PRDM16: variants seen among roughly 807,000 people sequenced by gnomAD.
PRDM16 encodes histone-lysine N-methyltransferase PRDM16.
A neutral mutation model predicts 110.6 loss-of-function variants in PRDM16; 23 were observed. The ratio of observed to expected loss-of-function variants is 0.21; its 90% CI spans 0.15 to 0.29. The LOEUF is 0.29. PRDM16 is among the 10% of genes least tolerant of loss of function. The pLI is 1.00. For missense variants in PRDM16, 1,615 were observed against 1,794.3 expected, an observed-to-expected ratio of 0.90 and a Z score of 1.81; for synonymous variants, 799 against 781.8, an observed-to-expected ratio of 1.02 and a Z score of -0.37.
intron 1 of PRDM16, among the ~76,000 whole-genome samples, chr1:3,075,968 G>C (rs991255538): frequency 6.6e-6 from 1 of 152,202 alleles, no homozygotes; most frequent in African/African-American, 2.4e-5. Flanking sequence ...CACGCACTAG[G>C]CTTGACCAAG....
chr1:3,212,419 G>A (rs1638907946), intron 2 of PRDM16, among the ~76,000 whole-genome samples: 1 of 152,142 alleles, frequency 6.6e-6, no homozygotes, highest in Non-Finnish European at 1.5e-5. Context: ...TTGAATTCTG[G>A]GAGTCCAGGC....
At chr1:3,154,657 G>T (rs1439680894) in intron 1 of PRDM16, among the ~76,000 whole-genome samples, 9 of 152,204 alleles carry the variant, frequency 5.9e-5, no homozygotes, top group Admixed American at 3.3e-4. Flanking sequence ...CAGTCGGCCG[G>T]GCATCCTGCA....
intron 1 of PRDM16, among the ~76,000 whole-genome samples, chr1:3,153,795 C>T (rs1028183564): frequency 5.9e-5 from 9 of 152,216 alleles, no homozygotes; most frequent in Admixed American, 2.6e-4. Flanking sequence ...AAGCGTGGAA[C>T]GCAAAGTAAT....
intron 6 of PRDM16, among the ~76,000 whole-genome samples, 163 bp downstream of exon 6, chr1:3,403,161 A>T (rs1177189975): frequency 6.6e-6 from 1 of 152,068 alleles, no homozygotes; most frequent in Non-Finnish European, 1.5e-5. Context: ...CCCTGGGGAT[A>T]TGTGCCCCTT....
chr1:3,394,664 C>G (rs548108286), intron 4 of PRDM16, among the ~76,000 whole-genome samples: 1 of 152,174 alleles, frequency 6.6e-6, no homozygotes, highest in Non-Finnish European at 1.5e-5. Flanking sequence ...TCAGCCAGGC[C>G]GGGCAGTCAC....
At chr1:3,145,308 G>A (rs1643625875) in intron 1 of PRDM16, among the ~76,000 whole-genome samples, 1 of 152,200 alleles carries the variant, frequency 6.6e-6, no homozygotes, top group Admixed American at 6.5e-5. Flanking sequence ...CCATTGCCAT[G>A]GGATACGGGG....
intron 12 of PRDM16, among the ~76,000 whole-genome samples, chr1:3,420,681 T>TTC (rs1368985651): frequency 2.6e-5 from 4 of 152,216 alleles, no homozygotes; most frequent in Non-Finnish European, 4.4e-5. Flanking sequence ...GGCCCCTAGC[T>TTC]TCTCCTGGCC....
At chr1:3,409,846 G>GTGTGTGTGCGTGTGTGT (rs57503175) in intron 8 of PRDM16, among the ~76,000 whole-genome samples, 1 of 120,974 alleles carries the variant, frequency 8.3e-6, no homozygotes, top group Admixed American at 9.0e-5. Flanking sequence ...TGTGTGGTGT[G>GTGTGTGTGCGTGTGTGT]GGTGTGTGTG....
chr1:3,111,623 A>C (rs1261347023), intron 1 of PRDM16, among the ~76,000 whole-genome samples: 1 of 152,006 alleles, frequency 6.6e-6, no homozygotes, highest in South Asian at 2.1e-4. Flanking sequence ...CAGCGCACGG[A>C]AAGGAGGCGC....
chr1:3,203,678 C>T (rs1049573867), intron 2 of PRDM16, among the ~76,000 whole-genome samples: 2 of 152,176 alleles, frequency 1.3e-5, no homozygotes, highest in African/African-American at 4.8e-5. Flanking sequence ...TGGCTCCTTC[C>T]TGCGTGTGTG....
intron 3 of PRDM16, among the ~76,000 whole-genome samples, chr1:3,262,504 G>A (rs892703227): frequency 2.6e-5 from 4 of 152,236 alleles, no homozygotes; most frequent in Non-Finnish European, 2.9e-5. Context: ...GGCGGGAGGC[G>A]TGGTTGGCCA....
intron 1 of PRDM16, among the ~76,000 whole-genome samples, chr1:3,181,898 ACGGTCTTACACACG>A (rs1258128587): frequency 3.6e-5 from 3 of 82,684 alleles, no homozygotes; most frequent in African/African-American, 1.1e-4. Flanking sequence ...AGTCTTACAC[ACGGTCTTACACACG>A]CAGTCTTACA....
intron 8 of PRDM16, among the ~76,000 whole-genome samples, chr1:3,408,630 G>A (rs1266130318): frequency 6.6e-6 from 1 of 151,212 alleles, no homozygotes; most frequent in African/African-American, 2.4e-5. Context: ...ATGAGTGTGG[G>A]TGCGTGAGCT....
intron 3 of PRDM16, among the ~76,000 whole-genome samples, chr1:3,383,884 C>T (rs113469962): frequency 0.044 from 6,609 of 151,692 alleles, 481 homozygotes; most frequent in African/African-American, 0.15. Context: ...TGCAGAAGGA[C>T]ACACCTGCCC....
chr1:3,088,275 C>G (rs1642194903), intron 1 of PRDM16, among the ~76,000 whole-genome samples: 1 of 151,880 alleles, frequency 6.6e-6, no homozygotes, highest in African/African-American at 2.4e-5. Context: ...TGGGCACAGT[C>G]TAGAAAGCAA....
rs374542804 is a variant in PRDM16 at position 3,431,144 on chromosome 1, A to T, written c.3521+36A>T. ...CCGTGTGCTCCAGGATGGGGCAGGG[A>T]GGGAACGTGGGCGTCCATCACGAGG... On this transcript the variant is annotated intron_variant, in intron 15 of 16. Transcript: ENST00000270722. 3.2e-5 allele frequency: 49 copies of T among 1,540,672 alleles called. No homozygotes were observed. In the African/African-American group the frequency reaches 6.3e-4, roughly 20 times the overall value.
At chr1:3,389,395 C>A (rs561456122) in intron 4 of PRDM16, among the ~76,000 whole-genome samples, 2 of 152,332 alleles carry the variant, frequency 1.3e-5, no homozygotes, top group South Asian at 4.1e-4. Context: ...ATCGGACCGT[C>A]CTCTCCATGA....
intron 3 of PRDM16, among the ~76,000 whole-genome samples, chr1:3,314,169 G>A (rs1641542677): frequency 6.6e-6 from 1 of 151,684 alleles, no homozygotes; most frequent in Non-Finnish European, 1.5e-5. Context: ...CTGAGTGCAG[G>A]GTTTCCAGGA....
chr1:3,278,530 G>A (rs902717980), intron 3 of PRDM16, among the ~76,000 whole-genome samples: 7 of 152,192 alleles, frequency 4.6e-5, no homozygotes, highest in Non-Finnish European at 8.8e-5. Flanking sequence ...CACCTAAAGC[G>A]CAGTCACTAG....
Sources: gnomAD v4.1 joint callset for allele counts (sites outside exome capture counted in the v4.1 genomes callset) on GRCh38, gnomAD v4.1.1 for gene constraint, MANE v1.5 for transcripts, NCBI Gene and HGNC (gene_info 2026-07-23, HGNC 2026-07-21) for gene names.